DLG2: variants seen among roughly 807,000 people sequenced by gnomAD.
DLG2 encodes disks large homolog 2.
Under a neutral mutation model 132.5 loss-of-function variants are expected in DLG2, and 45 were observed. The observed-to-expected ratio is 0.34, with a 90% CI of 0.27 to 0.44. The LOEUF (loss-of-function observed/expected upper bound fraction) is 0.44. Ranked by LOEUF, DLG2 falls within the 20% of genes least tolerant of loss-of-function variation. The pLI, the probability that DLG2 is intolerant of heterozygous loss-of-function variation, is 1.00. For synonymous variants in DLG2, 424 were observed against 419.6 expected, an observed-to-expected ratio of 1.01 and a Z score of -0.13; for missense variants, 1,045 against 1,196.9, an observed-to-expected ratio of 0.87 and a Z score of 1.87.
chr11:84,587,613 A>G (rs1593038245), intron 6 of DLG2, among the ~76,000 whole-genome samples: 1 of 152,144 alleles, frequency 6.6e-6, no homozygotes, highest in East Asian at 1.9e-4. Context: ...CGGTTCTGGC[A>G]TTTAAAAGTC....
At chr11:84,364,757 T>C (rs626155) in intron 7 of DLG2, among the ~76,000 whole-genome samples, 2 of 152,208 alleles carry the variant, frequency 1.3e-5, no homozygotes, top group Non-Finnish European at 2.9e-5. Flanking sequence ...TTTCTGCATC[T>C]ATTGAGATAA....
chr11:85,498,996 C>A (rs540949292), intron 3 of DLG2, among the ~76,000 whole-genome samples: 210 of 152,134 alleles, frequency 1.4e-3, no homozygotes, highest in Non-Finnish European at 2.4e-3. Context: ...CTGAAGAGAT[C>A]TAAAATCAAC....
chr11:85,112,887 T>G (rs1236802963), intron 5 of DLG2, among the ~76,000 whole-genome samples: 1 of 152,096 alleles, frequency 6.6e-6, no homozygotes, highest in African/African-American at 2.4e-5. Context: ...TCATCCAATC[T>G]GATTTTATCT....
chr11:84,878,434 T>G (rs372008403), intron 6 of DLG2, among the ~76,000 whole-genome samples: 1 of 152,226 alleles, frequency 6.6e-6, no homozygotes, highest in Non-Finnish European at 1.5e-5. Flanking sequence ...GAAACCATCA[T>G]TCTCAGCAAA....
intron 3 of DLG2, among the ~76,000 whole-genome samples, chr11:85,503,590 T>A (rs1454982201): frequency 6.6e-6 from 1 of 151,854 alleles, no homozygotes; most frequent in Non-Finnish European, 1.5e-5. Flanking sequence ...TTAATCCTAT[T>A]CATAGATTAA....
At chr11:85,365,939 G>T (rs1363299037) in intron 3 of DLG2, among the ~76,000 whole-genome samples, 3 of 152,114 alleles carry the variant, frequency 2.0e-5, no homozygotes, top group Non-Finnish European at 4.4e-5. Flanking sequence ...GCCAGGAGGT[G>T]GGGGGCTAGG....
chr11:84,838,951 C>G (rs2080206083), intron 6 of DLG2, among the ~76,000 whole-genome samples: 1 of 152,088 alleles, frequency 6.6e-6, no homozygotes, highest in South Asian at 2.1e-4. Context: ...GATGCCCTCT[C>G]TCACCACTGC....
At chr11:83,764,652 T>C (rs988476794) in intron 18 of DLG2, among the ~76,000 whole-genome samples, 2 of 152,208 alleles carry the variant, frequency 1.3e-5, no homozygotes, top group African/African-American at 4.8e-5. Flanking sequence ...TTATCTCAAT[T>C]TTATTAATAA....
intron 6 of DLG2, among the ~76,000 whole-genome samples, chr11:84,822,146 C>T (rs182760432): frequency 2.0e-5 from 3 of 151,890 alleles, no homozygotes; most frequent in East Asian, 3.9e-4. Context: ...CAGTAGTTTA[C>T]CTCTGCACAA....
intron 11 of DLG2, among the ~76,000 whole-genome samples, chr11:84,035,762 G>A (rs755122087): frequency 3.9e-5 from 6 of 152,140 alleles, no homozygotes; most frequent in Admixed American, 6.6e-5. Flanking sequence ...TGGGAACAGG[G>A]ACCAGTTTGA....
chr11:84,265,350 A>G (rs1286528873), intron 7 of DLG2, among the ~76,000 whole-genome samples: 1 of 152,208 alleles, frequency 6.6e-6, no homozygotes, highest in Non-Finnish European at 1.5e-5. Flanking sequence ...GAACAATGCT[A>G]AAAAGTTATA....
chr11:85,182,620 G>A (rs2079795482), intron 4 of DLG2, among the ~76,000 whole-genome samples: 1 of 151,444 alleles, frequency 6.6e-6, no homozygotes, highest in African/African-American at 2.4e-5. Context: ...ATGGGGTGGG[G>A]TAGACTTATG....
rs78627298 is a variant in DLG2 at position 84,296,462 on chromosome 11, G to T, written c.520-45171C>A. On this transcript the variant is annotated intron_variant, in intron 7 of 27. Transcript: ENST00000376104. ...TGATTTTTTTCTCTCTTTGAGTTGGGGTCTTGCCTGTAACCTAAGCTGGGG... is the reference window on the plus strand; with the variant it reads ...TGATTTTTTTCTCTCTTTGAGTTGGTGTCTTGCCTGTAACCTAAGCTGGGG... Among the ~76,000 whole-genome samples the T allele has an allele frequency of 5.0e-3, 755 of 152,130 alleles. 3 individuals are homozygous for T. Among genetic ancestry groups the T allele is most frequent in the Middle Eastern group, 0.01 (3 of 294 alleles).
At chr11:84,584,935 G>A (rs575990993) in intron 6 of DLG2, among the ~76,000 whole-genome samples, 86 of 151,696 alleles carry the variant, frequency 5.7e-4, no homozygotes, top group African/African-American at 2.0e-3. Context: ...TGATCCGCCC[G>A]CCTCGGCCTC....
At chr11:84,434,713 G>A (rs1268357609) in intron 7 of DLG2, among the ~76,000 whole-genome samples, 2 of 151,984 alleles carry the variant, frequency 1.3e-5, no homozygotes, top group Admixed American at 1.3e-4. Context: ...CATTAGCTGA[G>A]GCAAAACAGT....
At chr11:85,039,799 A>G (rs965894321) in intron 6 of DLG2, among the ~76,000 whole-genome samples, 1 of 151,894 alleles carries the variant, frequency 6.6e-6, no homozygotes, top group Admixed American at 6.6e-5. Context: ...ATCACTTCTT[A>G]TTTGACTTTG....
intron 6 of DLG2, among the ~76,000 whole-genome samples, chr11:84,732,438 T>C (rs2063271733): frequency 2.0e-5 from 3 of 152,010 alleles, no homozygotes; most frequent in South Asian, 4.1e-4. Flanking sequence ...GTATTGTCAA[T>C]CATTTTCACT....
intron 9 of DLG2, among the ~76,000 whole-genome samples, chr11:84,114,271 G>A (rs1473052690): frequency 6.6e-6 from 1 of 152,044 alleles, no homozygotes; most frequent in African/African-American, 2.4e-5. Flanking sequence ...AGACCAAAAT[G>A]TTTTAGAACT....
intron 3 of DLG2, among the ~76,000 whole-genome samples, chr11:85,357,342 G>A (rs537924354): frequency 1.4e-5 from 2 of 147,326 alleles, no homozygotes; most frequent in Admixed American, 6.9e-5. Context: ...ACAGGTGCCC[G>A]CCACCATGCC....
Sources: gnomAD v4.1 joint callset for allele counts (sites outside exome capture counted in the v4.1 genomes callset) on GRCh38, gnomAD v4.1.1 for gene constraint, MANE v1.5 for transcripts, NCBI Gene and HGNC (gene_info 2026-07-23, HGNC 2026-07-21) for gene names.